Variants in GRIK2 observed in about 807,000 individuals in gnomAD.
GRIK2 encodes glutamate ionotropic receptor kainate type subunit 2, also known as glutamate receptor ionotropic, kainate 2.
GRIK2 carries 32 observed loss-of-function variants against 100.3 expected under a neutral mutation model. That is an observed-to-expected ratio of 0.32 (90% confidence interval 0.24 to 0.43). The LOEUF (loss-of-function observed/expected upper bound fraction) is 0.43, where lower values mean the gene tolerates loss of function less well. GRIK2 is among the 20% of genes least tolerant of loss of function. GRIK2 has a pLI of 1.00. For missense variants in GRIK2, 843 were observed against 1,114.9 expected, an observed-to-expected ratio of 0.76 and a Z score of 3.47; for synonymous variants, 417 against 389.4, an observed-to-expected ratio of 1.07 and a Z score of -0.83.
chr6:101,458,677 A>G (rs576822422), intron 2 of GRIK2, among the ~76,000 whole-genome samples: 2 of 152,304 alleles, frequency 1.3e-5, no homozygotes, highest in Admixed American at 6.5e-5. Context: ...CTGCTAGACA[A>G]TCGTATCTGG....
intron 2 of GRIK2, among the ~76,000 whole-genome samples, chr6:101,462,891 C>T (rs1299603098): frequency 1.3e-5 from 2 of 152,066 alleles, no homozygotes; most frequent in Non-Finnish European, 2.9e-5. Context: ...AGTAGGTCTG[C>T]TAGGAAAGAA....
At chr6:101,943,376 T>C (rs1791074916) in intron 14 of GRIK2, among the ~76,000 whole-genome samples, 1 of 151,574 alleles carries the variant, frequency 6.6e-6, no homozygotes, top group African/African-American at 2.4e-5. Context: ...CCACACAGAG[T>C]CTCCACTGGG....
chr6:101,707,263 A>AT (rs1773367689), intron 7 of GRIK2, among the ~76,000 whole-genome samples: 1 of 151,536 alleles, frequency 6.6e-6, no homozygotes, highest in African/African-American at 2.4e-5. Context: ...TAAGATAGTT[A>AT]TTGCATTTCA....
chr6:101,935,341 T>C lies in GRIK2; in HGVS notation c.2085+6709T>C, dbSNP rs9485565. Among the ~76,000 whole-genome samples, 1,369 of 152,054 alleles carry C rather than the reference T, an allele frequency of 9.0e-3. 20 individuals carry two copies. The highest frequency in any genetic ancestry group is 0.031 in the African/African-American group (1,284 of 41,512). On this transcript the variant is annotated intron_variant, in intron 14 of 16. Transcript: ENST00000369134. Reference sequence around the variant, plus strand: ...TATTTTGAGTTGAATAGGGAGTCTTTTCCCTTTTGAGCACTTGTGTTTCTC... The same window carrying C: ...TATTTTGAGTTGAATAGGGAGTCTTCTCCCTTTTGAGCACTTGTGTTTCTC...
intron 14 of GRIK2, among the ~76,000 whole-genome samples, chr6:102,017,809 G>C (rs774430712): frequency 6.6e-6 from 1 of 151,978 alleles, no homozygotes; most frequent in African/African-American, 2.4e-5. Context: ...GGTGTGTCCC[G>C]TCTACTACTA....
At chr6:101,684,581 C>A (rs1771537074) in intron 6 of GRIK2, among the ~76,000 whole-genome samples, 1 of 152,124 alleles carries the variant, frequency 6.6e-6, no homozygotes, top group Admixed American at 6.5e-5. Context: ...TTTCCTCACA[C>A]TTCATGAGGT....
intron 2 of GRIK2, among the ~76,000 whole-genome samples, chr6:101,461,043 G>A (rs1582501470): frequency 6.6e-6 from 1 of 152,274 alleles, no homozygotes; most frequent in East Asian, 1.9e-4. Context: ...ATACACTGTG[G>A]AGATAAAGTG....
intron 7 of GRIK2, among the ~76,000 whole-genome samples, chr6:101,751,039 T>G (rs1408766): frequency 2.6e-5 from 4 of 152,026 alleles, no homozygotes; most frequent in African/African-American, 9.7e-5. Flanking sequence ...TACCATGTAC[T>G]AACTGTAAAT....
intron 2 of GRIK2, among the ~76,000 whole-genome samples, chr6:101,522,140 GTTAC>G (rs981089730): frequency 6.6e-6 from 1 of 151,854 alleles, no homozygotes; most frequent in African/African-American, 2.4e-5. Context: ...CTAGAAACTC[GTTAC>G]TTACATGCTT....
At chr6:101,841,139 C>T (rs868057978) in intron 10 of GRIK2, among the ~76,000 whole-genome samples, 1 of 152,152 alleles carries the variant, frequency 6.6e-6, no homozygotes, top group Non-Finnish European at 1.5e-5. Flanking sequence ...CAAAGTGAAG[C>T]ACACACTTTT....
rs566806854 is a variant in GRIK2, at chr6:101,782,910, G to T, written c.952-16738G>T. ...GTCTCACTGTCGCCCAGGCTGGAGT[G>T]CAGTGGTGCGATCTCAGCTCACTGC... On this transcript the variant is annotated intron_variant, in intron 7 of 16. Transcript: ENST00000369134. Among the ~76,000 whole-genome samples, 3 of 146,902 alleles carry T rather than the reference G, an allele frequency of 2.0e-5. No individual in the cohort carries two copies. The South Asian group carries it at 6.5e-4, about 32-fold the overall frequency.
At chr6:101,542,124 A>G (rs1046863076) in intron 2 of GRIK2, among the ~76,000 whole-genome samples, 1 of 152,018 alleles carries the variant, frequency 6.6e-6, no homozygotes, top group Non-Finnish European at 1.5e-5. Context: ...GTTTCTAGGG[A>G]AACTGTAATA....
At chr6:101,395,955 T>C (rs1774988075) in intron 1 of GRIK2, among the ~76,000 whole-genome samples, 3 of 152,198 alleles carry the variant, frequency 2.0e-5, no homozygotes, top group Non-Finnish European at 4.4e-5. Flanking sequence ...ATAAAATATA[T>C]AAATCTTACT....
At chr6:101,683,515 A>G (rs1452005108) in intron 6 of GRIK2, among the ~76,000 whole-genome samples, 1 of 152,102 alleles carries the variant, frequency 6.6e-6, no homozygotes, top group Admixed American at 6.5e-5. Context: ...TCAATACATT[A>G]TCCTGACCTT....
intron 16 of GRIK2, among the ~76,000 whole-genome samples, chr6:102,065,135 G>T (rs1269574390): frequency 6.6e-6 from 1 of 151,160 alleles, no homozygotes; most frequent in Non-Finnish European, 1.5e-5. Context: ...AAGATTGCTT[G>T]ATTAAATTTT....
chr6:101,750,313 C>T (rs1351182268), intron 7 of GRIK2, among the ~76,000 whole-genome samples: 1 of 152,168 alleles, frequency 6.6e-6, no homozygotes, highest in African/African-American at 2.4e-5. Flanking sequence ...TCCAAAGTCC[C>T]TTCTCTGTAA....
chr6:101,784,256 C>T (rs577866339), intron 7 of GRIK2, among the ~76,000 whole-genome samples: 1 of 152,210 alleles, frequency 6.6e-6, no homozygotes, highest in Admixed American at 6.5e-5. Context: ...GGACTTGGTG[C>T]CCTATGTCCA....
intron 14 of GRIK2, among the ~76,000 whole-genome samples, chr6:102,019,913 G>A (rs1226996946): frequency 6.6e-6 from 1 of 151,538 alleles, no homozygotes; most frequent in East Asian, 1.9e-4. Context: ...ATTTCTTTGC[G>A]CATCAATTGA....
At chr6:101,710,973 A>T (rs1412871603) in intron 7 of GRIK2, among the ~76,000 whole-genome samples, 2 of 151,812 alleles carry the variant, frequency 1.3e-5, no homozygotes, top group Non-Finnish European at 2.9e-5. Flanking sequence ...TATTAGTAGC[A>T]TTGAAGTTGT....
Sources: gnomAD v4.1 joint callset for allele counts (sites outside exome capture counted in the v4.1 genomes callset) on GRCh38, gnomAD v4.1.1 for gene constraint, MANE v1.5 for transcripts, NCBI Gene and HGNC (gene_info 2026-07-23, HGNC 2026-07-21) for gene names.